C1QB: variants seen among roughly 807,000 people sequenced by gnomAD.
C1QB encodes the protein complement C1q B chain.
Under a neutral mutation model 4.6 loss-of-function variants are expected in C1QB, and 2 were observed. The observed-to-expected ratio is 0.43, with a 90% confidence interval of 0.18 to 1.36. The LOEUF is 1.36. Among genes scored for constraint, C1QB ranks in the 40% most tolerant of loss-of-function variants. C1QB has a pLI of 0.28. For synonymous variants in C1QB, 132 were observed against 137.1 expected (o/e 0.96, Z 0.26); for missense variants, 292 against 338.0 (o/e 0.86, Z 1.07).
At chr1:22,657,099 G>A (rs922042756) in intron 1 of C1QB, among the ~76,000 whole-genome samples, 1 of 151,984 alleles carries the variant, frequency 6.6e-6, no homozygotes. Flanking sequence ...ATGTAGGCAC[G>A]ATTGATTAAG....
At chr1:22,655,978 C>T (rs567264760) in intron 1 of C1QB, among the ~76,000 whole-genome samples, 2 of 152,322 alleles carry the variant, frequency 1.3e-5, no homozygotes, top group Admixed American at 6.5e-5. Flanking sequence ...ATCACTGAAA[C>T]GGTGCAAACT....
At chr1:22,656,017 T>C (rs948946063) in intron 1 of C1QB, among the ~76,000 whole-genome samples, 1 of 152,200 alleles carries the variant, frequency 6.6e-6, no homozygotes, top group African/African-American at 2.4e-5. Context: ...GGCAGAGATG[T>C]CATTTCCTCA....
intron 2 of C1QB, among the ~76,000 whole-genome samples, chr1:22,659,915 G>T (rs189735932): frequency 6.6e-6 from 1 of 152,174 alleles, no homozygotes; most frequent in Admixed American, 6.5e-5. Flanking sequence ...TTAAATTCAG[G>T]TGGAGAGGGA....
rs1296350181 is a variant in C1QB at position 22,655,865 on chromosome 1, T to C, written c.-24+2562T>C. Among the ~76,000 whole-genome samples, 3 of 152,254 alleles carry C rather than the reference T, an allele frequency of 2.0e-5. No individual in the cohort carries two copies. In the East Asian group the frequency reaches 5.8e-4, roughly 29 times the overall value. ...ATACAGTTCAGCCTCTGAGGAAAGG[T>C]TTCCTGGAGGAAGAAGGCTTTGACC... On this transcript the variant is annotated intron_variant, in intron 1 of 2. Transcript: ENST00000509305.
intron 1 of C1QB, among the ~76,000 whole-genome samples, chr1:22,654,365 TC>T (rs967470324): frequency 2.6e-5 from 4 of 151,942 alleles, no homozygotes; most frequent in Admixed American, 2.0e-4. Context: ...AGTACCCTGC[TC>T]CCCACCCTCT....
intron 1 of C1QB, among the ~76,000 whole-genome samples, chr1:22,655,844 A>T (rs1642521946): frequency 6.6e-6 from 1 of 152,208 alleles, no homozygotes; most frequent in Non-Finnish European, 1.5e-5. Context: ...GAGAGGATAC[A>T]GTTCAGCCTC....
At chr1:22,656,184 G>T (rs1380054046) in intron 1 of C1QB, among the ~76,000 whole-genome samples, 1 of 152,188 alleles carries the variant, frequency 6.6e-6, no homozygotes, top group Non-Finnish European at 1.5e-5. Flanking sequence ...AGGTGTCATT[G>T]AGGAAACTTA....
chr1:22,655,124 G>T (rs1472940424), intron 1 of C1QB, among the ~76,000 whole-genome samples: 1 of 152,180 alleles, frequency 6.6e-6, no homozygotes, highest in Non-Finnish European at 1.5e-5. Context: ...AGGGGATAAT[G>T]GCATGCAAGC....
At chr1:22,659,037 A>AGATGGATG (rs3066574) in intron 1 of C1QB, among the ~76,000 whole-genome samples, 2,247 of 112,212 alleles carry the variant, frequency 0.02, 40 homozygotes, top group Middle Eastern at 0.047. Context: ...ATAGAGAGAC[A>AGATGGATG]GATGGATGGA....
At chr1:22,659,743 G>A (rs927643688) in intron 2 of C1QB, 100 bp downstream of exon 2, 2 of 1,378,856 alleles carry the variant, frequency 1.5e-6, no homozygotes, top group Non-Finnish European at 2.0e-6. Context: ...CAAAAGCACT[G>A]GCAAATCCAG....
intron 1 of C1QB, among the ~76,000 whole-genome samples, chr1:22,658,363 T>C (rs1642557017): frequency 6.6e-6 from 1 of 152,166 alleles, no homozygotes; most frequent in Non-Finnish European, 1.5e-5. Flanking sequence ...GGTCTCAGCC[T>C]AATCATCACT....
intron 1 of C1QB, among the ~76,000 whole-genome samples, chr1:22,655,770 C>T (rs1276550232): frequency 6.6e-6 from 1 of 152,204 alleles, no homozygotes; most frequent in African/African-American, 2.4e-5. Context: ...CATCCATGGT[C>T]TCACCTGGGT....
At position 22,660,577 on chromosome 1, in the gene C1QB, T is replaced by C. The variant is rs57114857; in HGVS notation, c.182-235T>C. 0.13 allele frequency among the ~76,000 whole-genome samples: 19,883 copies of C among 151,872 alleles called. 2,191 individuals are homozygous for C. Among genetic ancestry groups the C allele is most frequent in the African/African-American group, 0.29 (12,141 of 41,380 alleles). ...AGGAGGGCCGGCCTAGCACCTTCCTTAGCAAGGAGCCATTCCCCTCCCCAC... is the reference window on the plus strand; with the variant it reads ...AGGAGGGCCGGCCTAGCACCTTCCTCAGCAAGGAGCCATTCCCCTCCCCAC... On this transcript the variant is annotated intron_variant, in intron 2 of 2. Coordinates refer to ENST00000509305, the MANE Select transcript of C1QB (RefSeq NM_001378156.1).
chr1:22,657,899 G>T (rs1433855666), intron 1 of C1QB, among the ~76,000 whole-genome samples: 3 of 152,114 alleles, frequency 2.0e-5, no homozygotes, highest in African/African-American at 7.2e-5. Flanking sequence ...GATTAAAAAG[G>T]GGCCATCACT....
chr1:22,659,210 A>G, intron 1 of C1QB, among the ~76,000 whole-genome samples: 1 of 132,936 alleles, frequency 7.5e-6, no homozygotes, highest in African/African-American at 2.9e-5. Flanking sequence ...ATGGAGGGAT[A>G]GAGAGATGGA....
In C1QB at chr1:22,659,532, C is replaced by G. The variant is rs1183412065; in HGVS notation, c.70C>G (p.Gln24Glu). Residue 24 changes from glutamine to glutamate, a missense_variant, in exon 2 of 3, where the codon CAG becomes GAG. By Grantham distance (29) the Gln-to-Glu change is conservative (BLOSUM62 2). Coordinates refer to ENST00000509305, the MANE Select transcript of C1QB (RefSeq NM_001378156.1). ...GCTCCTGGGCCTAATCGATATCTCC[C>G]AGGCCCAGCTCAGCTGCACCGGGCC... ...LLLLGLIDIS[Q>E]AQLSCTGPPA... 6.2e-7 allele frequency: 1 copy of G among 1,614,082 alleles called. No individual in the cohort carries two copies. Among genetic ancestry groups the G allele is most frequent in the Non-Finnish European group, 8.5e-7 (1 of 1,179,994 alleles).
At chr1:22,656,130 C>T (rs1642528246) in intron 1 of C1QB, among the ~76,000 whole-genome samples, 2 of 152,158 alleles carry the variant, frequency 1.3e-5, no homozygotes, top group African/African-American at 4.8e-5. Context: ...AACGTTTGTG[C>T]AGCAGGGGAG....
At chr1:22,654,415 C>T (rs1370254695) in intron 1 of C1QB, among the ~76,000 whole-genome samples, 1 of 152,152 alleles carries the variant, frequency 6.6e-6, no homozygotes, top group East Asian at 1.9e-4. Context: ...CCCCTTGCTG[C>T]CTCCAACTGA....
intron 1 of C1QB, among the ~76,000 whole-genome samples, chr1:22,659,115 T>C (rs920916522): frequency 2.5e-5 from 3 of 121,676 alleles, no homozygotes; most frequent in African/African-American, 9.8e-5. Context: ...GGATGGAGGA[T>C]AGAGAGATAG....
Sources: allele counts gnomAD v4.1 joint callset (sites outside exome capture counted in the v4.1 genomes callset), GRCh38; gene constraint gnomAD v4.1.1; transcripts MANE v1.5; gene names NCBI Gene and HGNC (gene_info 2026-07-23, HGNC 2026-07-21).